AKAP10: variants seen among roughly 807,000 people sequenced by gnomAD.
AKAP10 encodes A-kinase anchoring protein 10.
A neutral mutation model predicts 80.8 loss-of-function variants in AKAP10; 24 were observed. The ratio of observed to expected loss-of-function variants is 0.30; its 90% confidence interval spans 0.22 to 0.42. The LOEUF is 0.42. AKAP10 is among the 10% of genes least tolerant of loss of function. The pLI, the probability that AKAP10 is intolerant of heterozygous loss-of-function variation, is 1.00. For synonymous variants in AKAP10, 291 were observed against 277.7 expected, an observed-to-expected ratio of 1.05 and a Z score of -0.48; for missense variants, 661 against 794.9, an observed-to-expected ratio of 0.83 and a Z score of 2.03.
intron 9 of AKAP10, among the ~76,000 whole-genome samples, chr17:19,935,597 G>A (rs2042983692): frequency 6.6e-6 from 1 of 151,448 alleles, no homozygotes. Context: ...TATTTTATAA[G>A]CTTTTTTCTA....
intron 10 of AKAP10, among the ~76,000 whole-genome samples, chr17:19,926,737 GA>G (rs1597496407): frequency 6.6e-6 from 1 of 152,200 alleles, no homozygotes; most frequent in East Asian, 1.9e-4. Flanking sequence ...CTTCTACTCT[GA>G]AAACTACAAA....
At chr17:19,932,216 C>T (rs1322467217) in intron 9 of AKAP10, among the ~76,000 whole-genome samples, 3 of 151,820 alleles carry the variant, frequency 2.0e-5, no homozygotes, top group Non-Finnish European at 2.9e-5. Context: ...TCTAGGAGGC[C>T]GAGGCAGACG....
intron 8 of AKAP10, 62 bp from the exon 9 acceptor site, chr17:19,936,492 C>T: frequency 3.4e-6 from 5 of 1,480,038 alleles, no homozygotes; most frequent in Non-Finnish European, 4.6e-6. Flanking sequence ...CAACTTTCAG[C>T]ACCTCCTCCA....
intron 4 of AKAP10, among the ~76,000 whole-genome samples, chr17:19,951,885 A>T (rs1229226001): frequency 6.6e-6 from 1 of 151,120 alleles, no homozygotes; most frequent in Non-Finnish European, 1.5e-5. Flanking sequence ...CCCAAGAATG[A>T]TCAACAAATA....
Position 19,924,430 on chromosome 17 carries a change from A to C in AKAP10, c.1729T>G (p.Leu577Val), listed in dbSNP as rs1208789265. 6.2e-7 allele frequency: 1 copy of C among 1,604,512 alleles called. No individual in the cohort carries two copies. The highest frequency in any genetic ancestry group is 8.5e-7 in the Non-Finnish European group (1 of 1,174,746). Residue 577 changes from leucine to valine, a missense_variant, in exon 11 of 15, where the codon TTA becomes GTA. By Grantham distance (32) the Leu-to-Val change is conservative. Coordinates refer to ENST00000225737, the MANE Select transcript of AKAP10 (RefSeq NM_007202.4). ...VDAASLDPESLYQRTYAGKMT... is the reference protein window; with the variant it reads ...VDAASLDPESVYQRTYAGKMT... ...TACCCGGCATATGTCCGTTGATATA[A>C]AGATTCTGGATCCAGACTTGCCGCA...
Position 19,958,392 on chromosome 17 carries a change from A to G in AKAP10, c.499T>C (p.Ser167Pro). The change falls in exon 4 of 15, where the codon TCG becomes CCG. Residue 167 changes from serine (S) to proline (P), a missense_variant. Physicochemically the swap from Ser to Pro is moderately conservative, Grantham distance 74 (BLOSUM62 -1). Transcript: ENST00000225737. ...TTTAGACTGTGTGCTCTTATTCGCG[A>G]CCAAGTTGTTGAATGAAAACTTTCA... Reference protein sequence around the residue: ...EAESFHSTTWSRIRAHSLNTV... With the variant: ...EAESFHSTTWPRIRAHSLNTV... 6.2e-7 allele frequency: 1 copy of G among 1,614,220 alleles called. No individual in the cohort carries two copies. The highest frequency in any genetic ancestry group is 8.5e-7 in the Non-Finnish European group (1 of 1,180,038).
chr17:19,936,580 A>C, intron 8 of AKAP10, 150 bp from the exon 9 acceptor site: 1 of 764,318 alleles, frequency 1.3e-6, no homozygotes, highest in Non-Finnish European at 2.0e-6. Context: ...TGCTGATGTA[A>C]CCTTTCTTTG....
chr17:19,948,501 C>G (rs1208978716), intron 4 of AKAP10, among the ~76,000 whole-genome samples: 1 of 152,118 alleles, frequency 6.6e-6, no homozygotes, highest in Non-Finnish European at 1.5e-5. Context: ...GCAGCAATGA[C>G]AGCAGCTCCA....
intron 1 of AKAP10, among the ~76,000 whole-genome samples, chr17:19,969,637 G>A (rs1282889870): frequency 2.0e-5 from 3 of 151,730 alleles, no homozygotes; most frequent in East Asian, 3.9e-4. Context: ...CTTAAACATT[G>A]AAAGGTGAAA....
chr17:19,948,423 ATCCCCTGGGTTGT>A (rs1203516931), intron 4 of AKAP10, among the ~76,000 whole-genome samples: 1 of 152,066 alleles, frequency 6.6e-6, no homozygotes, highest in Non-Finnish European at 1.5e-5. Context: ...AGTGGAGGAA[ATCCCCTGGGTTGT>A]TTTGTTTTGT....
chr17:19,977,777 T>A lies in AKAP10; in HGVS notation c.-98A>T. On this transcript the variant is annotated 5_prime_UTR_variant, in exon 1 of 15. Coordinates refer to ENST00000225737, the MANE Select transcript of AKAP10 (RefSeq NM_007202.4). ...AGTGGGCCCCACCGCCTCCTCGGGATGCCCAGGCAGCTCCAGCCGCCATAT... is the reference window on the plus strand; with the variant it reads ...AGTGGGCCCCACCGCCTCCTCGGGAAGCCCAGGCAGCTCCAGCCGCCATAT... 1 of 706,094 alleles carries A rather than the reference T, an allele frequency of 1.4e-6. No individual in the cohort carries two copies. The highest frequency in any genetic ancestry group is 2.0e-6 in the Non-Finnish European group (1 of 506,198). 43.7% of individuals were successfully genotyped at this position (706,094 alleles called of 1,614,324 possible). A position where few individuals can be genotyped will look rare whatever the true frequency, so the allele number is the denominator to read the frequency against.
intron 9 of AKAP10, among the ~76,000 whole-genome samples, chr17:19,934,619 T>C (rs2042973329): frequency 6.6e-6 from 1 of 152,250 alleles, no homozygotes; most frequent in Non-Finnish European, 1.5e-5. Flanking sequence ...TATGTTAATA[T>C]GTATTTTATA....
chr17:19,946,266 TATATA>T (rs1567765942), intron 5 of AKAP10, among the ~76,000 whole-genome samples: 8 of 31,918 alleles, frequency 2.5e-4, no homozygotes, highest in African/African-American at 6.1e-4. Context: ...TATATATATA[TATATA>T]TATATTTTTT....
chr17:19,938,824 C>T (rs1186832517), intron 8 of AKAP10, among the ~76,000 whole-genome samples: 4 of 152,084 alleles, frequency 2.6e-5, no homozygotes, highest in South Asian at 2.1e-4. Context: ...CTCGACCTCC[C>T]AAGGCTCAGG....
intron 5 of AKAP10, 155 bp downstream of exon 5, chr17:19,947,252 C>A: frequency 1.6e-6 from 1 of 638,268 alleles, no homozygotes; most frequent in Non-Finnish European, 2.7e-6. Context: ...TTAAAGTGAG[C>A]TATAATCCGA....
Position 19,958,717 on chromosome 17 carries a change from A to G in AKAP10, c.320-146T>C, listed in dbSNP as rs2043312255. 7.5e-6 allele frequency: 5 copies of G among 663,502 alleles called. No homozygotes were observed. The South Asian group carries it at 1.0e-4, about 13-fold the overall frequency. The allele number at this position is 663,502 out of a possible 1,614,324, so 41.1% of individuals were successfully genotyped here. A position where few individuals can be genotyped will look rare whatever the true frequency, so the allele number is the denominator to read the frequency against. ...CAACTAAAGTAAATAAAAAAACTAC[A>G]AATACTATGCTTTTGGTTTCTAAAC... On this transcript the variant is annotated intron_variant, in intron 3 of 14. Coordinates refer to ENST00000225737, the MANE Select transcript of AKAP10 (RefSeq NM_007202.4).
At chr17:19,909,438 T>C (rs377519814) in intron 13 of AKAP10, among the ~76,000 whole-genome samples, 162 bp from the exon 14 acceptor site, 1 of 152,244 alleles carries the variant, frequency 6.6e-6, no homozygotes, top group African/African-American at 2.4e-5. Context: ...CCTCTGGCTA[T>C]GAATATTAAC....
intron 10 of AKAP10, among the ~76,000 whole-genome samples, chr17:19,930,654 G>C (rs887101192): frequency 6.6e-5 from 10 of 151,998 alleles, no homozygotes; most frequent in African/African-American, 2.4e-4. Flanking sequence ...GAAGCAGGCG[G>C]CATTTGAGGT....
intron 5 of AKAP10, among the ~76,000 whole-genome samples, chr17:19,944,942 T>C (rs1057012248): frequency 6.6e-6 from 1 of 152,166 alleles, no homozygotes; most frequent in South Asian, 2.1e-4. Context: ...AGAGCTAAAG[T>C]GAAGGCTCCT....
Sources: allele counts gnomAD v4.1 joint callset (sites outside exome capture counted in the v4.1 genomes callset), GRCh38; gene constraint gnomAD v4.1.1; transcripts MANE v1.5; gene names NCBI Gene and HGNC (gene_info 2026-07-23, HGNC 2026-07-21).